FHIP1A: variants seen among roughly 807,000 people sequenced by gnomAD.
The protein encoded by FHIP1A is FHF complex subunit HOOK interacting protein 1A.
Under a neutral mutation model 88.6 loss-of-function variants are expected in FHIP1A, and 61 were observed. The ratio of observed to expected loss-of-function variants is 0.69; its 90% CI spans 0.56 to 0.85. The LOEUF (loss-of-function observed/expected upper bound fraction) is 0.85. Ranked by LOEUF, FHIP1A falls within the 40% of genes least tolerant of loss-of-function variation. FHIP1A has a pLI of 0.00. For synonymous variants in FHIP1A, 478 were observed against 496.0 expected (o/e 0.96, Z 0.48); for missense variants, 1,154 against 1,273.5 (o/e 0.91, Z 1.43).
intron 4 of FHIP1A, among the ~76,000 whole-genome samples, chr4:151,574,656 T>A (rs1183295654): frequency 6.6e-6 from 1 of 152,138 alleles, no homozygotes; most frequent in Non-Finnish European, 1.5e-5. Context: ...ATGATTACTT[T>A]GTCTACCTTT....
intron 9 of FHIP1A, among the ~76,000 whole-genome samples, chr4:151,646,266 A>G (rs1420724235): frequency 1.3e-5 from 2 of 152,226 alleles, no homozygotes; most frequent in East Asian, 1.9e-4. Flanking sequence ...CAGGCCAGGT[A>G]AAGGTGACAG....
chr4:151,572,616 G>T (rs569424075), intron 4 of FHIP1A, among the ~76,000 whole-genome samples: 1 of 152,292 alleles, frequency 6.6e-6, no homozygotes, highest in South Asian at 2.1e-4. Flanking sequence ...AGTGGAATTT[G>T]GCTTTAGATG....
chr4:151,492,502 G>A (rs1034806817), intron 3 of FHIP1A, among the ~76,000 whole-genome samples: 4 of 151,360 alleles, frequency 2.6e-5, no homozygotes, highest in Non-Finnish European at 4.4e-5. Context: ...TGAGACAGGA[G>A]AATTGCTTGA....
intron 11 of FHIP1A, among the ~76,000 whole-genome samples, chr4:151,652,918 A>T (rs1737084676): frequency 6.6e-6 from 1 of 152,228 alleles, no homozygotes; most frequent in Non-Finnish European, 1.5e-5. Flanking sequence ...CCTGGCACTG[A>T]AGAAGGCCCT....
chr4:151,567,097 C>T (rs980406168), intron 4 of FHIP1A, among the ~76,000 whole-genome samples: 10 of 152,154 alleles, frequency 6.6e-5, no homozygotes, highest in Non-Finnish European at 1.3e-4. Flanking sequence ...ACTTTGACTT[C>T]TCTGATCTGC....
rs947491028 is a variant in FHIP1A at position 151,578,062 on chromosome 4, A to G, written c.718A>G (p.Thr240Ala). 3.2e-5 allele frequency: 49 copies of G among 1,549,576 alleles called. No individual in the cohort carries two copies. Among genetic ancestry groups the G allele is most frequent in the Non-Finnish European group, 4.1e-5 (47 of 1,146,360 alleles). ...GGTGGCCCATCACATCGTGGAGAAC[A>G]CCTACTTTTGTCCAGTAAGTCTCTT... Reference protein sequence around the residue: ...TMVAHHIVENTYFCPVLATGL... With the variant: ...TMVAHHIVENAYFCPVLATGL... The change falls in exon 5 of 14, where the codon ACC becomes GCC. Residue 240 changes from threonine to alanine, a missense_variant. Physicochemically the swap from Thr to Ala is moderately conservative, Grantham distance 58 (BLOSUM62 0). Transcript: ENST00000435205.
chr4:151,581,037 T>TTTAC (rs1337367350), intron 5 of FHIP1A, among the ~76,000 whole-genome samples: 3 of 152,180 alleles, frequency 2.0e-5, no homozygotes, highest in South Asian at 2.1e-4. Flanking sequence ...TTTTGTATTT[T>TTTAC]TAGTAGAGAC....
intron 1 of FHIP1A, among the ~76,000 whole-genome samples, chr4:151,448,207 C>G (rs1728675128): frequency 6.6e-6 from 1 of 152,090 alleles, no homozygotes; most frequent in Non-Finnish European, 1.5e-5. Flanking sequence ...GTGTGAACCT[C>G]TGCACCTGGC....
In FHIP1A at chr4:151,503,592, G is replaced by T. The variant is rs140804844; in HGVS notation, c.-123+20944G>T. Among the ~76,000 whole-genome samples, 114 of 152,012 alleles carry T rather than the reference G, an allele frequency of 7.5e-4. 1 individual carries two copies. The highest frequency in any genetic ancestry group is 2.7e-3 in the African/African-American group (110 of 41,466). ...GTAGAAAGTAGGGAACAGGGGGAAA[G>T]GAGGAAAGAGAAAAGAAGAGAAAAA... On this transcript the variant is annotated intron_variant, in intron 3 of 13. Transcript: ENST00000435205.
chr4:151,481,667 T>C (rs1729900657), intron 2 of FHIP1A, among the ~76,000 whole-genome samples: 1 of 152,100 alleles, frequency 6.6e-6, no homozygotes, highest in African/African-American at 2.4e-5. Context: ...GTTTTAAATT[T>C]AAGTATAGTA....
chr4:151,556,121 T>C (rs1344639561), intron 3 of FHIP1A, among the ~76,000 whole-genome samples: 2 of 152,114 alleles, frequency 1.3e-5, no homozygotes, highest in African/African-American at 4.8e-5. Context: ...AATTATAATA[T>C]GCGTATTTTT....
At chr4:151,633,178 T>C (rs891766777) in intron 8 of FHIP1A, among the ~76,000 whole-genome samples, 7 of 151,734 alleles carry the variant, frequency 4.6e-5, no homozygotes, top group Non-Finnish European at 8.9e-5. Flanking sequence ...CCACAAACAA[T>C]TATACACCAA....
intron 3 of FHIP1A, among the ~76,000 whole-genome samples, chr4:151,516,376 A>C (rs1248293864): frequency 6.6e-6 from 1 of 151,992 alleles, no homozygotes; most frequent in Non-Finnish European, 1.5e-5. Flanking sequence ...ATTACCATTC[A>C]GGACATAGGC....
At chr4:151,493,352 A>G (rs184490993) in intron 3 of FHIP1A, among the ~76,000 whole-genome samples, 67 of 152,316 alleles carry the variant, frequency 4.4e-4, no homozygotes, top group Admixed American at 7.2e-4. Flanking sequence ...GCCAACAAAT[A>G]AAGTCCAGGA....
intron 3 of FHIP1A, among the ~76,000 whole-genome samples, chr4:151,544,378 G>A (rs1732407156): frequency 6.6e-6 from 1 of 152,172 alleles, no homozygotes; most frequent in African/African-American, 2.4e-5. Context: ...AAACTTGGAG[G>A]TGCAGCTTAT....
At chr4:151,413,744 C>CG (rs1250541775) in intron 1 of FHIP1A, among the ~76,000 whole-genome samples, 1 of 151,928 alleles carries the variant, frequency 6.6e-6, no homozygotes. Flanking sequence ...CATGAGCCAC[C>CG]GCGCCTGGCC....
intron 3 of FHIP1A, among the ~76,000 whole-genome samples, chr4:151,516,060 G>T (rs571364103): frequency 2.0e-5 from 3 of 152,244 alleles, no homozygotes; most frequent in South Asian, 2.1e-4. Context: ...ATACTACAAG[G>T]CTACAGTAAC....
chr4:151,638,449 T>A (rs1330577224), intron 8 of FHIP1A, among the ~76,000 whole-genome samples: 1 of 151,802 alleles, frequency 6.6e-6, no homozygotes, highest in East Asian at 1.9e-4. Context: ...TGTAGGAAGA[T>A]AATTCTGCAC....
At chr4:151,600,298 C>T (rs1734813571) in intron 7 of FHIP1A, among the ~76,000 whole-genome samples, 1 of 152,216 alleles carries the variant, frequency 6.6e-6, no homozygotes, top group Non-Finnish European at 1.5e-5. Flanking sequence ...ATTGACATTT[C>T]ATTGTCTAAA....
Sources: allele counts gnomAD v4.1 joint callset (sites outside exome capture counted in the v4.1 genomes callset), GRCh38; gene constraint gnomAD v4.1.1; transcripts MANE v1.5; gene names NCBI Gene and HGNC (gene_info 2026-07-23, HGNC 2026-07-21).